Variants in DCDC2C observed in about 807,000 individuals in gnomAD.
DCDC2C encodes the protein doublecortin domain containing 2C.
Under a neutral mutation model 45.0 loss-of-function variants are expected in DCDC2C, and 44 were observed. The observed-to-expected ratio is 0.98, with a 90% CI of 0.77 to 1.26. The LOEUF is 1.26. DCDC2C is among the 50% of genes most tolerant of loss of function. The pLI, the probability that DCDC2C is intolerant of heterozygous loss-of-function variation, is 0.00. For missense variants in DCDC2C, 447 were observed against 468.9 expected (o/e 0.95, Z 0.43); for synonymous variants, 187 against 178.8 (o/e 1.05, Z -0.37).
intron 10 of DCDC2C, among the ~76,000 whole-genome samples, chr2:3,803,033 T>C (rs1671150646): frequency 6.6e-6 from 1 of 152,236 alleles, no homozygotes; most frequent in South Asian, 2.1e-4. Context: ...ATAGTTATTG[T>C]CATTTGCTTT....
intron 2 of DCDC2C, among the ~76,000 whole-genome samples, chr2:3,724,742 C>T (rs1436525932): frequency 6.6e-6 from 1 of 152,138 alleles, no homozygotes; most frequent in African/African-American, 2.4e-5. Flanking sequence ...CTGGGCCAGG[C>T]ATGAAGAGTT....
intron 6 of DCDC2C, 63 bp downstream of exon 6, chr2:3,754,697 C>G: frequency 1.4e-6 from 2 of 1,446,106 alleles, no homozygotes; most frequent in Middle Eastern, 1.7e-4. Flanking sequence ...CTGGCATTAA[C>G]AAGGGCACAG....
At chr2:3,791,391 A>G (rs2148190373) in intron 10 of DCDC2C, among the ~76,000 whole-genome samples, 1 of 152,288 alleles carries the variant, frequency 6.6e-6, no homozygotes, top group South Asian at 2.1e-4. Context: ...TCACGGATGG[A>G]CCAATCGCCT....
chr2:3,740,132 G>A lies in DCDC2C; in HGVS notation c.417-1788G>A, dbSNP rs147523480. On this transcript the variant is annotated intron_variant, in intron 3 of 10. Coordinates refer to ENST00000399143, the MANE Select transcript of DCDC2C (RefSeq NM_001287444.2). Reference sequence around the variant, plus strand: ...TCTACAACATTAATTATATCTGACCGTTTTTCCCCTGTAGATATAAATTCT... The same window carrying A: ...TCTACAACATTAATTATATCTGACCATTTTTCCCCTGTAGATATAAATTCT... Among the ~76,000 whole-genome samples the A allele has an allele frequency of 8.8e-3, 1,334 of 151,742 alleles. 19 individuals carry two copies. The highest frequency in any genetic ancestry group is 0.031 in the African/African-American group (1,289 of 41,524).
intron 10 of DCDC2C, among the ~76,000 whole-genome samples, chr2:3,813,638 AT>A (rs376430001): frequency 1.0e-3 from 142 of 135,436 alleles, no homozygotes; most frequent in Middle Eastern, 4.0e-3. Flanking sequence ...TTCTTGTTGA[AT>A]TTTTTTTTTT....
rs143086477 is a variant in DCDC2C at position 3,815,595 on chromosome 2, A to G, written c.1065+30495A>G. Among the ~76,000 whole-genome samples, 14 of 152,330 alleles carry G rather than the reference A, an allele frequency of 9.2e-5. No individual in the cohort carries two copies. In the South Asian group the frequency reaches 1.5e-3, roughly 16 times the overall value. On this transcript the variant is annotated intron_variant, in intron 10 of 10. Transcript: ENST00000399143. ...GAGACCACCAAACAGGCTTTGTGTGAGCAACAAGGCTGTTTATTTCACCTG... is the reference window on the plus strand; with the variant it reads ...GAGACCACCAAACAGGCTTTGTGTGGGCAACAAGGCTGTTTATTTCACCTG...
At position 3,818,909 on chromosome 2, in the gene DCDC2C, T is replaced by C. The variant is rs1342826064; in HGVS notation, c.1066-28245T>C. 6.6e-6 allele frequency among the ~76,000 whole-genome samples: 1 copy of C among 152,072 alleles called. No homozygotes were observed. Among genetic ancestry groups the C allele is most frequent in the African/African-American group, 2.4e-5 (1 of 41,386 alleles). ...AGGGAACTGGGCAGGTGGGGATAAC[T>C]AAAAAGGAGTGCATAAAAGAATATT... On this transcript the variant is annotated intron_variant, in intron 10 of 10. Transcript: ENST00000399143. This position sits in a 1 kb window ranked among gnomAD's most constrained non-coding sequence, Gnocchi z 4.7.
intron 8 of DCDC2C, among the ~76,000 whole-genome samples, chr2:3,772,251 G>A (rs767739448): frequency 9.2e-5 from 14 of 151,670 alleles, no homozygotes; most frequent in Non-Finnish European, 1.9e-4. Context: ...AGCATCCATG[G>A]AGGATGTCCA....
intron 8 of DCDC2C, among the ~76,000 whole-genome samples, chr2:3,770,574 C>T (rs1453227002): frequency 6.6e-6 from 1 of 152,164 alleles, no homozygotes; most frequent in Non-Finnish European, 1.5e-5. Context: ...CAAATCCAAA[C>T]TAACAGTTAA....
At chr2:3,843,660 A>G (rs1208900516) in intron 10 of DCDC2C, among the ~76,000 whole-genome samples, 1 of 152,206 alleles carries the variant, frequency 6.6e-6, no homozygotes, top group Non-Finnish European at 1.5e-5. Context: ...TCTACTGTGA[A>G]GGGCATGGCC....
At position 3,741,886 on chromosome 2, in the gene DCDC2C, G is replaced by A. The variant is rs568550466; in HGVS notation, c.417-34G>A. On this transcript the variant is annotated intron_variant, in intron 3 of 10. Coordinates refer to ENST00000399143, the MANE Select transcript of DCDC2C (RefSeq NM_001287444.2). ...TCAATGTTTCCCCCTCAAACTTAAGGTATTAATGGATGCTTTTCTTTTTAT... is the reference window on the plus strand; with the variant it reads ...TCAATGTTTCCCCCTCAAACTTAAGATATTAATGGATGCTTTTCTTTTTAT... The A allele has an allele frequency of 7.9e-5, 121 of 1,528,660 alleles. 1 individual carries two copies. The African/African-American group carries it at 1.6e-3, about 21-fold the overall frequency. 94.7% of individuals were successfully genotyped at this position (1,528,660 alleles called of 1,614,324 possible).
At chr2:3,840,828 G>A (rs775780298) in intron 10 of DCDC2C, among the ~76,000 whole-genome samples, 3 of 152,176 alleles carry the variant, frequency 2.0e-5, no homozygotes, top group Non-Finnish European at 2.9e-5. Context: ...TGCGAGTTTC[G>A]CAGTGAAAGT....
intron 2 of DCDC2C, among the ~76,000 whole-genome samples, chr2:3,710,063 G>A (rs1378262605): frequency 6.6e-6 from 1 of 152,044 alleles, no homozygotes; most frequent in Admixed American, 6.6e-5. Context: ...TTTCCACTTT[G>A]TTCATTTCAA....
intron 6 of DCDC2C, among the ~76,000 whole-genome samples, chr2:3,765,638 TAAC>T (rs933446461): frequency 7.2e-5 from 11 of 152,332 alleles, no homozygotes; most frequent in African/African-American, 2.6e-4. Context: ...CCTGTTCAGT[TAAC>T]AAATATTTAC....
At chr2:3,843,644 T>C (rs1457719748) in intron 10 of DCDC2C, among the ~76,000 whole-genome samples, 1 of 152,214 alleles carries the variant, frequency 6.6e-6, no homozygotes, top group Non-Finnish European at 1.5e-5. Context: ...TTCTAATGTG[T>C]TGGGGTCTAC....
At chr2:3,795,227 G>T (rs1486979748) in intron 10 of DCDC2C, among the ~76,000 whole-genome samples, 1 of 151,856 alleles carries the variant, frequency 6.6e-6, no homozygotes, top group Non-Finnish European at 1.5e-5. Flanking sequence ...TTTTTTTCTT[G>T]TAAATTTGTT....
intron 3 of DCDC2C, among the ~76,000 whole-genome samples, chr2:3,735,971 G>T (rs1054182804): frequency 6.6e-6 from 1 of 151,842 alleles, no homozygotes; most frequent in East Asian, 1.9e-4. Context: ...TGCAAATCTT[G>T]TGGAGGGGCA....
chr2:3,745,555 A>T (rs1213810281), intron 4 of DCDC2C, among the ~76,000 whole-genome samples: 2 of 152,132 alleles, frequency 1.3e-5, no homozygotes, highest in Middle Eastern at 3.2e-3. Context: ...GAACAGAATT[A>T]AAAAAAATCA....
chr2:3,832,788 C>T (rs982601917), intron 10 of DCDC2C, among the ~76,000 whole-genome samples: 1 of 152,186 alleles, frequency 6.6e-6, no homozygotes, highest in Admixed American at 6.5e-5. Flanking sequence ...CAGTTTCTCT[C>T]CCCCAATGTC....
Sources: gnomAD v4.1 joint callset for allele counts (sites outside exome capture counted in the v4.1 genomes callset) on GRCh38, gnomAD v4.1.1 for gene constraint, Gnocchi (gnomAD v3.1) non-coding constraint, MANE v1.5 for transcripts, NCBI Gene and HGNC (gene_info 2026-07-23, HGNC 2026-07-21) for gene names.